The following CTNND2 variants were observed in gnomAD, a reference collection of about 807,000 sequenced individuals.
The protein encoded by CTNND2 is catenin delta 2.
Under a neutral mutation model 144.4 loss-of-function variants are expected in CTNND2, and 22 were observed. The observed-to-expected ratio is 0.15, with a 90% CI of 0.11 to 0.22. CTNND2 has a LOEUF of 0.22. CTNND2 is among the 10% of genes least tolerant of loss of function. CTNND2 has a pLI of 1.00. For synonymous variants in CTNND2, 751 were observed against 695.6 expected (o/e 1.08, Z -1.25); for missense variants, 1,353 against 1,618.8 (o/e 0.84, Z 2.82).
At chr5:11,376,182 G>GT (rs1347541814) in intron 7 of CTNND2, among the ~76,000 whole-genome samples, 1 of 152,146 alleles carries the variant, frequency 6.6e-6, no homozygotes, top group East Asian at 1.9e-4. Context: ...TCTGTTGTTT[G>GT]TAAGTTACAC....
At chr5:11,194,702 AAAG>A (rs1736676444) in intron 11 of CTNND2, among the ~76,000 whole-genome samples, 1 of 152,230 alleles carries the variant, frequency 6.6e-6, no homozygotes. Flanking sequence ...CACCATAAAA[AAAG>A]AAAAGCTGAC....
intron 2 of CTNND2, among the ~76,000 whole-genome samples, chr5:11,614,736 C>T (rs751276406): frequency 6.6e-6 from 1 of 152,174 alleles, no homozygotes; most frequent in Non-Finnish European, 1.5e-5. Context: ...ACAGGCATAT[C>T]AAACTGTGTT....
chr5:11,153,495 G>T (rs950939095), intron 12 of CTNND2, among the ~76,000 whole-genome samples: 2 of 151,992 alleles, frequency 1.3e-5, no homozygotes, highest in African/African-American at 2.4e-5. Flanking sequence ...GAAAATAAAC[G>T]TCCTTGGAGC....
chr5:11,272,346 A>G (rs889139077), intron 9 of CTNND2, among the ~76,000 whole-genome samples: 10 of 152,180 alleles, frequency 6.6e-5, no homozygotes, highest in Admixed American at 5.9e-4. Flanking sequence ...ATTTGACAAC[A>G]TTCTTCCTGT....
At chr5:10,982,683 A>C (rs1047886384) in intron 20 of CTNND2, among the ~76,000 whole-genome samples, 8 of 152,240 alleles carry the variant, frequency 5.3e-5, no homozygotes, top group African/African-American at 9.6e-5. Context: ...AGTGTATCAA[A>C]AGATATCTGC....
At chr5:11,624,956 T>A (rs1435164601) in intron 2 of CTNND2, among the ~76,000 whole-genome samples, 1 of 151,982 alleles carries the variant, frequency 6.6e-6, no homozygotes, top group Non-Finnish European at 1.5e-5. Flanking sequence ...GAGGCAGCTA[T>A]CTGTAAAACC....
rs869141186 is a variant in CTNND2, at chr5:11,250,491, C to CTCTCTATATATATA, written c.1629-13669_1629-13668insTATATATATAGAGA. On this transcript the variant is annotated intron_variant, in intron 9 of 21. Coordinates refer to ENST00000304623, the MANE Select transcript of CTNND2 (RefSeq NM_001332.4). Reference sequence around the variant, plus strand: ...TCTCTCTCTCTCTCTCTCTCTCTCTCTATATATATATATATATATATACAT... The same window carrying CTCTCTATATATATA: ...TCTCTCTCTCTCTCTCTCTCTCTCTCTCTCTATATATATATATATATATATATATATATATACAT... 2.7e-3 allele frequency among the ~76,000 whole-genome samples: 172 copies of CTCTCTATATATATA among 64,060 alleles called. 2 individuals carry two copies. Among genetic ancestry groups the CTCTCTATATATATA allele is most frequent in the African/African-American group, 9.6e-3 (112 of 11,676 alleles). The allele number at this position is 64,060 out of a possible 152,430, so 42.0% of individuals were successfully genotyped here.
intron 18 of CTNND2, among the ~76,000 whole-genome samples, chr5:11,007,692 T>C (rs995963804): frequency 3.3e-5 from 5 of 152,242 alleles, no homozygotes; most frequent in Admixed American, 2.6e-4. Context: ...TTGAAGCCAA[T>C]TGGTAATTAC....
Position 11,385,184 on chromosome 5 carries a change from G to A in CTNND2, c.658C>T (p.Pro220Ser), listed in dbSNP as rs1167635277. 7.6e-6 allele frequency: 8 copies of A among 1,048,698 alleles called. No homozygotes were observed. Among genetic ancestry groups the A allele is most frequent in the Non-Finnish European group, 9.2e-6 (8 of 873,128 alleles). The allele number at this position is 1,048,698 out of a possible 1,614,324, so 65.0% of individuals were successfully genotyped here. A position where few individuals can be genotyped will look rare whatever the true frequency, so the allele number is the denominator to read the frequency against. The change falls in exon 7 of 22, where the codon CCG becomes TCG. Residue 220 changes from proline to serine, a missense_variant. By Grantham distance (74) the Pro-to-Ser change is moderately conservative. This residue lies in a region of CTNND2 where 708 missense variants were observed against 706.4 expected (regional missense o/e 1.00). Transcript: ENST00000304623. ...TCCCGCGGCGGCGGCGGCGGCGGCG[G>A]CGCGGGCTCGGGCCCCGCCAGGTGG... is the stretch of plus-strand genomic sequence containing the variant. ...AGHLAGPEPA[P>S]PPPPPPREPF...
At chr5:11,022,694 C>T (rs61751666) in intron 17 of CTNND2, 75 bp downstream of exon 17, 7 of 1,072,656 alleles carry the variant, frequency 6.5e-6, no homozygotes, top group East Asian at 2.4e-5. Context: ...TAGTACTACC[C>T]GTCATCAGGA....
At chr5:11,205,377 C>T (rs920836259) in intron 10 of CTNND2, among the ~76,000 whole-genome samples, 4 of 151,988 alleles carry the variant, frequency 2.6e-5, no homozygotes, top group Non-Finnish European at 5.9e-5. Flanking sequence ...GATTTTTTTG[C>T]TAAATTTTCA....
At chr5:11,783,089 T>C (rs191281993) in intron 1 of CTNND2, among the ~76,000 whole-genome samples, 3,300 of 152,098 alleles carry the variant, frequency 0.022, 104 homozygotes, top group African/African-American at 0.076. Flanking sequence ...ATGAAGAGGC[T>C]CATGGAGGGG....
At chr5:11,000,796 G>A (rs1739875655) in intron 18 of CTNND2, among the ~76,000 whole-genome samples, 2 of 152,242 alleles carry the variant, frequency 1.3e-5, no homozygotes, top group East Asian at 1.9e-4. Flanking sequence ...TCAGGCTGGG[G>A]AGTTTTAAAA....
At chr5:11,226,086 C>T (rs527506715) in intron 10 of CTNND2, among the ~76,000 whole-genome samples, 181 of 152,280 alleles carry the variant, frequency 1.2e-3, no homozygotes, top group Non-Finnish European at 2.2e-3. Flanking sequence ...CATGGCCCTG[C>T]CCCTTCTCAA....
intron 1 of CTNND2, among the ~76,000 whole-genome samples, chr5:11,810,296 C>G (rs1792254136): frequency 6.6e-6 from 1 of 152,042 alleles, no homozygotes; most frequent in Admixed American, 6.6e-5. Context: ...TTAACAATGC[C>G]TGTGACACAG....
intron 9 of CTNND2, among the ~76,000 whole-genome samples, chr5:11,328,920 C>T (rs1561226148): frequency 6.6e-6 from 1 of 152,148 alleles, no homozygotes; most frequent in Non-Finnish European, 1.5e-5. Context: ...AGATTTGGTG[C>T]TTAAACAGGA....
chr5:10,998,630 A>G (rs929170840), intron 18 of CTNND2, among the ~76,000 whole-genome samples: 1 of 152,194 alleles, frequency 6.6e-6, no homozygotes, highest in Non-Finnish European at 1.5e-5. Flanking sequence ...GATGCCACAT[A>G]CAGTTGGCCC....
intron 14 of CTNND2, among the ~76,000 whole-genome samples, chr5:11,100,386 T>C (rs1751767098): frequency 6.6e-6 from 1 of 152,176 alleles, no homozygotes; most frequent in Admixed American, 6.5e-5. Flanking sequence ...AAGATGACTT[T>C]GCACCTGTGA....
intron 8 of CTNND2, 42 bp downstream of exon 8, chr5:11,364,654 C>T: frequency 6.5e-7 from 1 of 1,530,434 alleles, no homozygotes; most frequent in Non-Finnish European, 8.8e-7. Context: ...GCAGAGCCCA[C>T]CCCCTGTGGA....
Sources: gnomAD v4.1 joint callset for allele counts (sites outside exome capture counted in the v4.1 genomes callset) on GRCh38, gnomAD v4.1.1 for gene constraint, gnomAD v4.1.1 regional missense constraint, MANE v1.5 for transcripts, NCBI Gene and HGNC (gene_info 2026-07-23, HGNC 2026-07-21) for gene names.